Variants in IDO2 observed in about 807,000 individuals in gnomAD.
IDO2 encodes the protein indoleamine 2,3-dioxygenase-like 1 protein.
A neutral mutation model predicts 45.1 loss-of-function variants in IDO2; 46 were observed. The observed-to-expected ratio is 1.02, with a 90% CI of 0.80 to 1.30. The LOEUF is 1.30. IDO2 is among the 50% of genes most tolerant of loss of function. IDO2 has a pLI of 0.00. For synonymous variants in IDO2, 218 were observed against 184.9 expected (o/e 1.18, Z -1.45); for missense variants, 544 against 491.8 (o/e 1.11, Z -1.00).
intron 8 of IDO2, among the ~76,000 whole-genome samples, chr8:39,997,407 C>T (rs1267807689): frequency 6.6e-6 from 1 of 152,126 alleles, no homozygotes; most frequent in Non-Finnish European, 1.5e-5. Context: ...GATGCGGTGG[C>T]TCATGCCTGT....
rs1554544692 is a variant in IDO2, at chr8:39,951,049, A to AAACAAAACAAAACAAAACAAAACAG, written c.99+1799_99+1800insAAACAAAACAGAACAAAACAAAACA. On this transcript the variant is annotated intron_variant, in intron 2 of 10. Coordinates refer to ENST00000502986, the Ensembl canonical transcript of IDO2. ...TCTCAAAACAAAACAAAACAAAACA[A>AAACAAAACAAAACAAAACAAAACAG]AACAAAACAAAACAGCTCTCTACTC... 9.8e-3 allele frequency among the ~76,000 whole-genome samples: 1,478 copies of AAACAAAACAAAACAAAACAAAACAG among 151,238 alleles called. 26 individuals are homozygous for AAACAAAACAAAACAAAACAAAACAG. Among genetic ancestry groups the AAACAAAACAAAACAAAACAAAACAG allele is most frequent in the African/African-American group, 0.033 (1,374 of 41,246 alleles).
At chr8:39,956,265 T>A (rs1807889778) in intron 2 of IDO2, among the ~76,000 whole-genome samples, 1 of 152,110 alleles carries the variant, frequency 6.6e-6, no homozygotes, top group Non-Finnish European at 1.5e-5. Context: ...TTTCCCCATG[T>A]TGGCCAGGCT....
intron 4 of IDO2, 79 bp downstream of exon 4, chr8:39,979,265 A>C (rs1469029198): frequency 4.0e-6 from 6 of 1,483,590 alleles, no homozygotes; most frequent in South Asian, 1.3e-5. Flanking sequence ...GCTTGGTGCT[A>C]CCCTGTTTTC....
intron 9 of IDO2, among the ~76,000 whole-genome samples, chr8:40,008,159 G>T (rs1438392462): frequency 1.0e-4 from 15 of 150,504 alleles, no homozygotes; most frequent in African/African-American, 3.7e-4. Context: ...TGATTCTCCT[G>T]CCTCAGCCTC....
chr8:40,015,313 A>G, exon 11 of IDO2: 1 of 1,613,886 alleles, frequency 6.2e-7, no homozygotes, highest in South Asian at 1.1e-5. Context: ...GAAGACATCC[A>G]CTCAGCACCT....
At chr8:39,935,178 C>T in exon 1 of IDO2, 1 of 1,613,090 alleles carries the variant, frequency 6.2e-7, no homozygotes, top group Non-Finnish European at 8.5e-7. Context: ...GACACTTCAC[C>T]CACCAGGCCA....
chr8:39,958,753 T>G (rs1807942569), intron 2 of IDO2, among the ~76,000 whole-genome samples: 1 of 152,118 alleles, frequency 6.6e-6, no homozygotes, highest in African/African-American at 2.4e-5. Flanking sequence ...GCCTGGCACC[T>G]GGTTTATTTT....
chr8:39,988,870 TAC>T (rs1210902913), intron 7 of IDO2, among the ~76,000 whole-genome samples: 2 of 152,090 alleles, frequency 1.3e-5, no homozygotes, highest in Non-Finnish European at 2.9e-5. Context: ...CATTAGAAGA[TAC>T]AGAGTCAAAT....
At chr8:40,013,191 G>A (rs1335919608) in intron 9 of IDO2, among the ~76,000 whole-genome samples, 1 of 152,086 alleles carries the variant, frequency 6.6e-6, no homozygotes, top group Admixed American at 6.6e-5. Flanking sequence ...GTTGAGATTA[G>A]CAAAGGAAGT....
intron 2 of IDO2, among the ~76,000 whole-genome samples, chr8:39,953,897 C>G (rs1443408795): frequency 1.3e-5 from 2 of 152,198 alleles, no homozygotes; most frequent in African/African-American, 4.8e-5. Context: ...TAAATCACAC[C>G]ATTTGTACAA....
At chr8:39,982,607 C>A in intron 4 of IDO2, 45 bp from the exon 5 acceptor site, 2 of 1,295,640 alleles carry the variant, frequency 1.5e-6, no homozygotes, top group Non-Finnish European at 1.1e-6. Context: ...TCCTCTGCTG[C>A]AAGCTTTCTA....
At chr8:39,950,921 C>A (rs1259774745) in intron 2 of IDO2, among the ~76,000 whole-genome samples, 2 of 152,130 alleles carry the variant, frequency 1.3e-5, no homozygotes, top group African/African-American at 4.8e-5. Context: ...TAGTGGCTAG[C>A]AATCTTATAG....
At chr8:39,978,146 C>A (rs1808289918) in intron 3 of IDO2, among the ~76,000 whole-genome samples, 1 of 152,200 alleles carries the variant, frequency 6.6e-6, no homozygotes, top group Admixed American at 6.5e-5. Context: ...GAAGGACCAG[C>A]CTGAGGATAC....
intron 8 of IDO2, among the ~76,000 whole-genome samples, chr8:39,997,460 C>G (rs1802063631): frequency 6.6e-6 from 1 of 151,988 alleles, no homozygotes; most frequent in South Asian, 2.1e-4. Flanking sequence ...CGCTTGAGCC[C>G]AGGAGTTTGA....
At chr8:39,971,547 G>A (rs898630123) in intron 3 of IDO2, among the ~76,000 whole-genome samples, 5 of 152,130 alleles carry the variant, frequency 3.3e-5, no homozygotes, top group African/African-American at 4.8e-5. Flanking sequence ...TCCCTCTGAA[G>A]AATCTGGGCA....
At chr8:40,003,416 T>G (rs1306294532) in intron 8 of IDO2, among the ~76,000 whole-genome samples, 1 of 151,084 alleles carries the variant, frequency 6.6e-6, no homozygotes, top group Non-Finnish European at 1.5e-5. Context: ...ATCCTTTCAT[T>G]TACTAGTTTT....
intron 1 of IDO2, among the ~76,000 whole-genome samples, chr8:39,940,502 A>G (rs1807626689): frequency 6.6e-6 from 1 of 152,206 alleles, no homozygotes; most frequent in Non-Finnish European, 1.5e-5. Context: ...AGAATTTTGC[A>G]GAAAGAAAAC....
chr8:39,980,172 A>C (rs1043573082), intron 4 of IDO2, among the ~76,000 whole-genome samples: 4 of 152,192 alleles, frequency 2.6e-5, no homozygotes. Flanking sequence ...TTGTACTCTT[A>C]TGTATATAAA....
intron 3 of IDO2, among the ~76,000 whole-genome samples, chr8:39,974,092 G>A (rs1214142899): frequency 1.3e-5 from 2 of 152,048 alleles, no homozygotes; most frequent in African/African-American, 4.8e-5. Context: ...AAATGAACCA[G>A]AAAAATAATA....
Sources: gnomAD v4.1 joint callset for allele counts (sites outside exome capture counted in the v4.1 genomes callset) on GRCh38, gnomAD v4.1.1 for gene constraint, MANE v1.5 for transcripts, NCBI Gene and HGNC (gene_info 2026-07-23, HGNC 2026-07-21) for gene names.